The following VWA8 variants were observed in gnomAD, a reference collection of about 807,000 sequenced individuals.
VWA8 encodes von Willebrand factor A domain containing 8.
A neutral mutation model predicts 241.5 loss-of-function variants in VWA8; 221 were observed. That is an observed-to-expected ratio of 0.91 (90% CI 0.82 to 1.02). VWA8 has a LOEUF of 1.02. Ranked by LOEUF, VWA8 falls within the 50% of genes least tolerant of loss-of-function variation. The probability of loss-of-function intolerance (pLI) is 0.00; values close to 1 mark genes in which losing one functional copy is unlikely to be tolerated. For missense variants in VWA8, 2,322 were observed against 2,328.7 expected (o/e 1.00, Z 0.06); for synonymous variants, 852 against 827.1 (o/e 1.03, Z -0.52).
intron 23 of VWA8, among the ~76,000 whole-genome samples, chr13:41,729,018 C>G (rs142951492): frequency 0.012 from 1,867 of 152,072 alleles, 16 homozygotes; most frequent in Middle Eastern, 0.041. Flanking sequence ...CAAGATTAAT[C>G]TATCTTCATT....
intron 2 of VWA8, among the ~76,000 whole-genome samples, chr13:41,919,304 T>G (rs1186960928): frequency 6.6e-6 from 1 of 152,126 alleles, no homozygotes; most frequent in Non-Finnish European, 1.5e-5. Flanking sequence ...CTCGCATCAC[T>G]ACTATGGATA....
chr13:41,782,298 G>A (rs974491836), intron 19 of VWA8, among the ~76,000 whole-genome samples: 19 of 152,198 alleles, frequency 1.2e-4, no homozygotes, highest in Admixed American at 1.2e-3. Context: ...TATATCCTGT[G>A]AAGTCTTTTC....
At chr13:41,947,474 A>T (rs1877902145) in intron 2 of VWA8, among the ~76,000 whole-genome samples, 1 of 152,260 alleles carries the variant, frequency 6.6e-6, no homozygotes, top group South Asian at 2.1e-4. Context: ...AATGATTGCA[A>T]GTCATTAGGG....
At chr13:41,927,555 T>G (rs549600186) in intron 2 of VWA8, among the ~76,000 whole-genome samples, 2 of 150,828 alleles carry the variant, frequency 1.3e-5, no homozygotes, top group African/African-American at 4.9e-5. Context: ...AAAAAAAAAC[T>G]ATAAGATGTT....
chr13:41,882,944 CTCTA>C (rs138265013), intron 9 of VWA8, among the ~76,000 whole-genome samples: 1,937 of 152,184 alleles, frequency 0.013, 14 homozygotes, highest in East Asian at 0.022. Flanking sequence ...CACATACTAT[CTCTA>C]TCTATTTGTT....
intron 4 of VWA8, among the ~76,000 whole-genome samples, chr13:41,892,991 T>C (rs1399983145): frequency 6.6e-6 from 1 of 152,210 alleles, no homozygotes; most frequent in African/African-American, 2.4e-5. Flanking sequence ...ATAAACTGGT[T>C]ATCTCCTTCT....
chr13:41,628,913 C>A (rs568316474), intron 37 of VWA8, among the ~76,000 whole-genome samples: 1 of 151,918 alleles, frequency 6.6e-6, no homozygotes, highest in Admixed American at 6.6e-5. Flanking sequence ...TGGTGGTGTG[C>A]GCCTGTAGTC....
At chr13:41,772,480 C>T (rs1398333160) in intron 20 of VWA8, among the ~76,000 whole-genome samples, 1 of 152,010 alleles carries the variant, frequency 6.6e-6, no homozygotes, top group Admixed American at 6.6e-5. Flanking sequence ...AAAAAATCAG[C>T]ATGAAGCTCC....
chr13:41,802,720 A>G (rs1219552381), intron 17 of VWA8, among the ~76,000 whole-genome samples: 2 of 152,236 alleles, frequency 1.3e-5, no homozygotes, highest in Admixed American at 6.5e-5. Context: ...CCTGGATGAC[A>G]TTTTGACACC....
At chr13:41,739,310 C>T (rs1327389031) in intron 21 of VWA8, among the ~76,000 whole-genome samples, 1 of 152,096 alleles carries the variant, frequency 6.6e-6, no homozygotes, top group East Asian at 1.9e-4. Flanking sequence ...TTTTCATCAT[C>T]AAGAGAAATA....
At chr13:41,837,754 G>A (rs1417053118) in intron 12 of VWA8, among the ~76,000 whole-genome samples, 3 of 151,952 alleles carry the variant, frequency 2.0e-5, no homozygotes, top group African/African-American at 7.3e-5. Context: ...TATTCCATAC[G>A]GGCATTTGGG....
intron 12 of VWA8, among the ~76,000 whole-genome samples, chr13:41,851,147 A>G (rs1457562954): frequency 2.0e-5 from 3 of 152,146 alleles, no homozygotes; most frequent in Admixed American, 6.6e-5. Context: ...GAAACTTTGT[A>G]CCCTTTGACT....
At chr13:41,926,526 A>G in intron 2 of VWA8, 1 of 537,174 alleles carries the variant, frequency 1.9e-6, no homozygotes, top group Non-Finnish European at 3.8e-6. Flanking sequence ...AAGCAGATTT[A>G]TGAAACTGGA....
Position 41,887,205 on chromosome 13 carries a change from G to A in VWA8, c.808C>T (p.Pro270Ser). Residue 270 changes from proline (P) to serine (S), a missense_variant, in exon 6 of 45, where the codon CCC becomes TCC. Transcript: ENST00000379310. ...RFQARDIYYLPFKDQLKLLYS... is the reference protein window; with the variant it reads ...RFQARDIYYLSFKDQLKLLYS... ...TCCTTGGTCTTACTTACCTTGAAGG[G>A]TAAATAATAAATATCCCTGGCTTGA... 1 of 1,611,968 alleles carries A rather than the reference G, an allele frequency of 6.2e-7. No individual in the cohort carries two copies. The highest frequency in any genetic ancestry group is 8.5e-7 in the Non-Finnish European group (1 of 1,179,490).
intron 35 of VWA8, among the ~76,000 whole-genome samples, chr13:41,684,628 T>C (rs2045122756): frequency 6.6e-6 from 1 of 152,186 alleles, no homozygotes; most frequent in Non-Finnish European, 1.5e-5. Flanking sequence ...AGGAATTGGA[T>C]ATTTTATGCA....
At chr13:41,759,547 T>C (rs2045724852) in intron 21 of VWA8, among the ~76,000 whole-genome samples, 2 of 151,716 alleles carry the variant, frequency 1.3e-5, no homozygotes, top group African/African-American at 4.8e-5. Flanking sequence ...GAGACTACAA[T>C]TGTGTGTATG....
At chr13:41,951,025 C>G (rs566622058) in intron 1 of VWA8, among the ~76,000 whole-genome samples, 1 of 152,104 alleles carries the variant, frequency 6.6e-6, no homozygotes, top group Non-Finnish European at 1.5e-5. Flanking sequence ...TTTGTACACC[C>G]GTATTTTTAC....
chr13:41,931,217 T>A (rs1877097092), intron 2 of VWA8, among the ~76,000 whole-genome samples: 1 of 143,254 alleles, frequency 7.0e-6, no homozygotes, highest in African/African-American at 2.6e-5. Context: ...ATCTTACCAC[T>A]TGCCACAACA....
At chr13:41,903,677 G>A (rs1380320691) in intron 4 of VWA8, among the ~76,000 whole-genome samples, 1 of 152,102 alleles carries the variant, frequency 6.6e-6, no homozygotes, top group African/African-American at 2.4e-5. Flanking sequence ...AGCCTGCAAG[G>A]CAAGGAGTAA....
Sources: gnomAD v4.1 joint callset for allele counts (sites outside exome capture counted in the v4.1 genomes callset) on GRCh38, gnomAD v4.1.1 for gene constraint, MANE v1.5 for transcripts, NCBI Gene and HGNC (gene_info 2026-07-23, HGNC 2026-07-21) for gene names.